The following YIF1B variants were observed in gnomAD, a reference collection of about 807,000 sequenced individuals.
The protein encoded by YIF1B is Yip1 interacting factor homolog B, membrane trafficking protein, also known as protein YIF1B.
A neutral mutation model predicts 34.6 loss-of-function variants in YIF1B; 24 were observed. The ratio of observed to expected loss-of-function variants is 0.69; its 90% CI spans 0.50 to 0.98. The LOEUF is 0.98. Ranked by LOEUF, YIF1B falls within the 50% of genes least tolerant of loss-of-function variation. YIF1B has a pLI of 0.00. For synonymous variants in YIF1B, 186 were observed against 184.8 expected, an observed-to-expected ratio of 1.01 and a Z score of -0.05; for missense variants, 368 against 429.4, an observed-to-expected ratio of 0.86 and a Z score of 1.26.
Position 38,304,914 on chromosome 19 carries a change from AAGG to A in YIF1B, c.*435_*437del, listed in dbSNP as rs201239475. 1.6e-3 allele frequency: 2,416 copies of A among 1,558,506 alleles called. 36 individuals carry two copies. The African/African-American group carries it at 0.028, about 18-fold the overall frequency. On this transcript the variant is annotated 3_prime_UTR_variant, in exon 8 of 8. Coordinates refer to ENST00000339413, the MANE Select transcript of YIF1B (RefSeq NM_001039672.3). ...GGCCAAGAAGCCCAAAGTGAAGAAG[AAGG>A]AGAAGGGCAAGAAGGAGAAGGGCAA...
At chr19:38,316,058 C>T (rs1276983539), upstream of YIF1B, 5 of 1,247,488 alleles carry the variant, frequency 4.0e-6, no homozygotes, top group African/African-American at 1.6e-5. Context: ...CCTCCAGCCC[C>T]CCCCTTCACG....
intron 1 of YIF1B, chr19:38,315,278 C>T: frequency 1.6e-6 from 1 of 610,762 alleles, no homozygotes. Flanking sequence ...GAAGTATCCT[C>T]TTCCAGGAAG....
At position 38,304,971 on chromosome 19, in the gene YIF1B, C is replaced by G. The variant is rs1312043609; in HGVS notation, c.*381G>C. 6.3e-7 allele frequency: 1 copy of G among 1,593,102 alleles called. No individual in the cohort carries two copies. The highest frequency in any genetic ancestry group is 8.5e-7 in the Non-Finnish European group (1 of 1,170,554). The stretch of plus-strand genomic sequence containing the variant: ...GAAGGAGGCTCCCCACTGAAGGGCC[C>G]TGGACAGGGCTCATTAAACCTTCCT... On this transcript the variant is annotated 3_prime_UTR_variant, in exon 8 of 8. Coordinates refer to ENST00000339413, the MANE Select transcript of YIF1B (RefSeq NM_001039672.3).
intron 1 of YIF1B, among the ~76,000 whole-genome samples, chr19:38,312,340 C>T (rs569239060): frequency 2.0e-5 from 3 of 150,198 alleles, no homozygotes; most frequent in African/African-American, 7.4e-5. Context: ...CTGCTTGAAC[C>T]TGGGATGTCA....
At chr19:38,315,602 G>A in intron 1 of YIF1B, 1 of 1,516,042 alleles carries the variant, frequency 6.6e-7, no homozygotes, top group Non-Finnish European at 8.8e-7. Context: ...AGGGCGGATC[G>A]CTAACTGCAA....
chr19:38,304,069 C>T lies in YIF1B; in HGVS notation c.*1283G>A. Reference sequence around the variant, plus strand: ...AGGCTGGCGGAAGCAGTCACCTGTCCATCTCCCCCACTTCTCACAGAGGAA... The same window carrying T: ...AGGCTGGCGGAAGCAGTCACCTGTCTATCTCCCCCACTTCTCACAGAGGAA... On this transcript the variant is annotated 3_prime_UTR_variant, in exon 8 of 8. Transcript: ENST00000339413. The T allele has an allele frequency of 1.4e-6, 1 of 690,168 alleles. No homozygotes were observed. The allele number at this position is 690,168 out of a possible 1,614,324, so 42.8% of individuals were successfully genotyped here. A position where few individuals can be genotyped will look rare whatever the true frequency, so the allele number is the denominator to read the frequency against.
At chr19:38,320,349 C>A (rs1969636933), upstream of YIF1B, 2 of 1,458,500 alleles carry the variant, frequency 1.4e-6, no homozygotes, top group East Asian at 2.3e-5. Context: ...GACCCCGGGG[C>A]CCTCACGAAT....
intron 1 of YIF1B, among the ~76,000 whole-genome samples, chr19:38,313,110 C>T (rs1969391168): frequency 6.6e-6 from 1 of 152,046 alleles, no homozygotes; most frequent in African/African-American, 2.4e-5. Context: ...CGCCACCAAG[C>T]CCAGGTAATT....
At chr19:38,319,539 T>A (rs1969620693), upstream of YIF1B, among the ~76,000 whole-genome samples, 1 of 152,186 alleles carries the variant, frequency 6.6e-6, no homozygotes, top group Non-Finnish European at 1.5e-5. Context: ...CCTGATGCAG[T>A]GCACAACCTT....
intron 1 of YIF1B, among the ~76,000 whole-genome samples, chr19:38,315,089 T>C (rs1969490588): frequency 6.6e-6 from 1 of 151,392 alleles, no homozygotes; most frequent in Admixed American, 6.6e-5. Context: ...AGAAACCCCG[T>C]CTATACCACC....
chr19:38,312,855 G>A (rs1441119088), intron 1 of YIF1B, among the ~76,000 whole-genome samples: 1 of 152,128 alleles, frequency 6.6e-6, no homozygotes, highest in Non-Finnish European at 1.5e-5. Context: ...TCAATTATTC[G>A]AAGCCTGAAG....
At chr19:38,320,144 G>T (rs1278113736), upstream of YIF1B, 3 of 1,593,400 alleles carry the variant, frequency 1.9e-6, no homozygotes, top group Non-Finnish European at 2.5e-6. Context: ...TTCGTGGAGC[G>T]AGTGCTGGCG....
chr19:38,321,868 G>C (rs74632604), upstream of YIF1B, among the ~76,000 whole-genome samples: 1,407 of 152,356 alleles, frequency 9.2e-3, 18 homozygotes, highest in African/African-American at 0.031. Flanking sequence ...ATCCCTGGCA[G>C]GGCAGATGAG....
rs200597228 is a variant in YIF1B, at chr19:38,307,606, T to C, written c.686A>G (p.Lys229Arg). 8.1e-6 allele frequency: 13 copies of C among 1,613,740 alleles called. No homozygotes were observed. Among genetic ancestry groups the C allele is most frequent in the South Asian group, 1.1e-5 (1 of 91,076 alleles). Residue 229 changes from lysine (K) to arginine (R), a missense_variant, in exon 6 of 8, where the codon AAA (lysine) becomes AGA (arginine). Coordinates refer to ENST00000339413, the MANE Select transcript of YIF1B (RefSeq NM_001039672.3). ...TIDLVAFLGY[K>R]YVGMIGGVLM... Reference sequence around the variant, plus strand: ...GGGCGGGGGTACTCACCCGACATATTTGTAGCCCAAGAAGGCCACCAGGTC... The same window carrying C: ...GGGCGGGGGTACTCACCCGACATATCTGTAGCCCAAGAAGGCCACCAGGTC...
At position 38,309,780 on chromosome 19, in the gene YIF1B, T is replaced by C. The variant is rs922788809; in HGVS notation, c.59-137A>G. The C allele has an allele frequency of 4.2e-6, 6 of 1,439,504 alleles. No homozygotes were observed. In the African/African-American group the frequency reaches 8.6e-5, roughly 21 times the overall value. The allele number at this position is 1,439,504 out of a possible 1,614,324, so 89.2% of individuals were successfully genotyped here. On this transcript the variant is annotated intron_variant, in intron 1 of 7. Coordinates refer to ENST00000339413, the MANE Select transcript of YIF1B (RefSeq NM_001039672.3). ...ACCATTAGAGACACTGGCTTTGATG[T>C]CAGATGGACTGGCAGGTGCAAGCTC...
rs564705275 is a variant in YIF1B at position 38,308,791 on chromosome 19, C to T, written c.539+1G>A. 4.6e-5 allele frequency: 74 copies of T among 1,613,806 alleles called. No individual in the cohort carries two copies. Among genetic ancestry groups the T allele is most frequent in the African/African-American group, 8.0e-5 (6 of 74,894 alleles). On this transcript the variant is annotated splice_donor_variant, in intron 5 of 7. Coordinates refer to ENST00000339413, the MANE Select transcript of YIF1B (RefSeq NM_001039672.3). LOFTEE classifies it high-confidence loss of function. Reference sequence around the variant, plus strand: ...TTCGGCCTGCCCCAGGCCTCCCTTACCTATCCTGGGTCCCCAGCGCAAGAC... The same window carrying T: ...TTCGGCCTGCCCCAGGCCTCCCTTATCTATCCTGGGTCCCCAGCGCAAGAC...
At chr19:38,316,353 A>AT (rs3214617), upstream of YIF1B, among the ~76,000 whole-genome samples, 177 of 147,304 alleles carry the variant, frequency 1.2e-3, no homozygotes, top group South Asian at 2.1e-3. Context: ...CATCCCTACA[A>AT]TTTTTTTTTT....
In YIF1B at chr19:38,304,737, G is replaced by C; in HGVS notation, c.*615C>G. On this transcript the variant is annotated 3_prime_UTR_variant, in exon 8 of 8. Coordinates refer to ENST00000339413, the MANE Select transcript of YIF1B (RefSeq NM_001039672.3). ...AAGCACGTGCCCTGCACCCCAGAGA[G>C]GCGTCCCCGCACTGGGGCTGGCGGG... The C allele has an allele frequency of 6.2e-7, 1 of 1,613,004 alleles. No homozygotes were observed. The highest frequency in any genetic ancestry group is 8.5e-7 in the Non-Finnish European group (1 of 1,179,448).
rs575882929 is a variant in YIF1B, at chr19:38,304,864, A to T, written c.*488T>A. 5.0e-6 allele frequency: 8 copies of T among 1,613,738 alleles called. No individual in the cohort carries two copies. The African/African-American group carries it at 1.1e-4, about 22-fold the overall frequency. On this transcript the variant is annotated 3_prime_UTR_variant, in exon 8 of 8. Transcript: ENST00000339413. Reference sequence around the variant, plus strand: ...CCACAGTCCCACGCTGCTGGCTCCAAGCAGCACGAGAGCATCCCGGGCAAG... The same window carrying T: ...CCACAGTCCCACGCTGCTGGCTCCATGCAGCACGAGAGCATCCCGGGCAAG...
Sources: gnomAD v4.1 joint callset for allele counts (sites outside exome capture counted in the v4.1 genomes callset) on GRCh38, gnomAD v4.1.1 for gene constraint, MANE v1.5 for transcripts, NCBI Gene and HGNC (gene_info 2026-07-23, HGNC 2026-07-21) for gene names.